Variants in ASAP1 observed in about 807,000 individuals in gnomAD.
The protein encoded by ASAP1 is ArfGAP with SH3 domain, ankyrin repeat and PH domain 1, also known as arf-GAP with SH3 domain, ANK repeat and PH domain-containing protein 1.
In ASAP1, 43 loss-of-function variants were observed where a neutral mutation model predicts 145.2. That is an observed-to-expected ratio of 0.30 (90% CI 0.23 to 0.38). ASAP1 has a LOEUF of 0.38. ASAP1 is among the 10% of genes least tolerant of loss of function. The pLI is 1.00. For synonymous variants in ASAP1, 546 were observed against 515.5 expected (o/e 1.06, Z -0.80); for missense variants, 1,018 against 1,355.3 (o/e 0.75, Z 3.91).
At chr8:130,173,518 C>T (rs1055111080) in intron 9 of ASAP1, among the ~76,000 whole-genome samples, 3 of 152,174 alleles carry the variant, frequency 2.0e-5, no homozygotes, top group Non-Finnish European at 4.4e-5. Flanking sequence ...GTAATACCAG[C>T]ACTTTGGGGG....
intron 3 of ASAP1, among the ~76,000 whole-genome samples, chr8:130,265,930 A>G (rs1820216221): frequency 6.6e-6 from 1 of 152,228 alleles, no homozygotes; most frequent in Middle Eastern, 3.2e-3. Context: ...AGCACACAGA[A>G]GTTCTGGATA....
chr8:130,359,595 T>C (rs868656092), intron 2 of ASAP1, among the ~76,000 whole-genome samples: 4 of 149,814 alleles, frequency 2.7e-5, no homozygotes, highest in Non-Finnish European at 4.5e-5. Flanking sequence ...ACCCCCGGGA[T>C]TGGGCTTCTG....
chr8:130,250,575 T>C (rs1272716119), intron 3 of ASAP1, among the ~76,000 whole-genome samples: 1 of 152,180 alleles, frequency 6.6e-6, no homozygotes, highest in African/African-American at 2.4e-5. Flanking sequence ...TGTTTATTCA[T>C]CAAAACAAAC....
At chr8:130,144,877 G>A (rs2097623775) in intron 13 of ASAP1, among the ~76,000 whole-genome samples, 1 of 152,140 alleles carries the variant, frequency 6.6e-6, no homozygotes, top group South Asian at 2.1e-4. Context: ...CAGAATGTAT[G>A]TATATGTGAG....
At chr8:130,100,839 T>C (rs1200873919) in intron 24 of ASAP1, among the ~76,000 whole-genome samples, 3 of 152,234 alleles carry the variant, frequency 2.0e-5, no homozygotes. Flanking sequence ...CTTTTTAGTT[T>C]GATATCGTCT....
rs1197294508 is a variant in ASAP1, at chr8:130,358,422, A to G, written c.60-279T>C. Among the ~76,000 whole-genome samples the G allele has an allele frequency of 4.7e-5, 7 of 147,972 alleles. No individual in the cohort carries two copies. The highest frequency in any genetic ancestry group is 4.7e-4 in the Admixed American group (7 of 14,964). On this transcript the variant is annotated intron_variant, in intron 2 of 29. Coordinates refer to ENST00000518721, the MANE Select transcript of ASAP1 (RefSeq NM_018482.4). The surrounding 1 kb of genome is among the most constrained non-coding windows in gnomAD (Gnocchi z 4.1). ...CTCCGGGACCCGCCTCCCTCTGCTC[A>G]TGCCGGCGGCGGCAGCTCCTCAGCG...
intron 3 of ASAP1, among the ~76,000 whole-genome samples, chr8:130,297,066 G>T (rs962772710): frequency 6.6e-6 from 1 of 152,172 alleles, no homozygotes; most frequent in South Asian, 2.1e-4. Flanking sequence ...ACAGCTGTGT[G>T]GGGGGTTAAA....
At chr8:130,164,539 G>A (rs780429371) in intron 11 of ASAP1, among the ~76,000 whole-genome samples, 3 of 152,122 alleles carry the variant, frequency 2.0e-5, no homozygotes, top group Admixed American at 6.5e-5. Flanking sequence ...TGCAGTGAGC[G>A]AGATTTGTAC....
At chr8:130,365,927 G>A (rs1826928666) in intron 2 of ASAP1, among the ~76,000 whole-genome samples, 2 of 152,226 alleles carry the variant, frequency 1.3e-5, no homozygotes, top group African/African-American at 4.8e-5. Context: ...GGTTTTTAGA[G>A]TCGCTGTCAT....
intron 27 of ASAP1, among the ~76,000 whole-genome samples, chr8:130,073,852 G>A (rs2097455759): frequency 6.6e-6 from 1 of 152,190 alleles, no homozygotes; most frequent in East Asian, 1.9e-4. Flanking sequence ...AAGTGGTTTT[G>A]CCAAAGCCTC....
intron 3 of ASAP1, among the ~76,000 whole-genome samples, chr8:130,311,000 T>C (rs1386851483): frequency 1.3e-5 from 2 of 152,216 alleles, no homozygotes; most frequent in Non-Finnish European, 2.9e-5. Flanking sequence ...TTTAGCTCTA[T>C]TGTGAAGGAG....
At chr8:130,389,081 G>A (rs1828154490) in intron 2 of ASAP1, among the ~76,000 whole-genome samples, 1 of 152,208 alleles carries the variant, frequency 6.6e-6, no homozygotes, top group African/African-American at 2.4e-5. Flanking sequence ...AAAGGGCCTG[G>A]CTCACGTTAA....
Position 130,127,483 on chromosome 8 carries a change from C to T in ASAP1, c.1381+444G>A, listed in dbSNP as rs1340809205. Among the ~76,000 whole-genome samples the T allele has an allele frequency of 3.3e-5, 5 of 152,190 alleles. No homozygotes were observed. In the East Asian group the frequency reaches 9.6e-4, roughly 29 times the overall value. ...CCGCCCGCCTCAGCCTCCCAAAGTG[C>T]TGGGATTACAGGCGTGAGCCACCGT... is the stretch of plus-strand genomic sequence containing the variant. On this transcript the variant is annotated intron_variant, in intron 16 of 29. Transcript: ENST00000518721.
At chr8:130,335,380 T>C (rs1290037319) in intron 3 of ASAP1, among the ~76,000 whole-genome samples, 1 of 152,180 alleles carries the variant, frequency 6.6e-6, no homozygotes, top group Non-Finnish European at 1.5e-5. Flanking sequence ...TTGGAGAAAC[T>C]GACCCACAGA....
At chr8:130,433,507 T>C (rs909284972) in intron 1 of ASAP1, among the ~76,000 whole-genome samples, 4 of 152,226 alleles carry the variant, frequency 2.6e-5, no homozygotes, top group African/African-American at 7.2e-5. Context: ...TCCCATGCTG[T>C]TGAGTGACAC....
chr8:130,325,213 T>C (rs1454154345), intron 3 of ASAP1, among the ~76,000 whole-genome samples: 5 of 152,212 alleles, frequency 3.3e-5, no homozygotes, highest in Admixed American at 1.3e-4. Flanking sequence ...GGGTCAAATA[T>C]GGTAGTTTCT....
chr8:130,298,400 T>C (rs1822418393), intron 3 of ASAP1, among the ~76,000 whole-genome samples: 1 of 152,158 alleles, frequency 6.6e-6, no homozygotes. Context: ...GGTTAAATAT[T>C]TCCTGAATCC....
At chr8:130,140,225 T>C (rs1166283092) in intron 13 of ASAP1, among the ~76,000 whole-genome samples, 1 of 151,794 alleles carries the variant, frequency 6.6e-6, no homozygotes, top group South Asian at 2.1e-4. Flanking sequence ...GTATTTTTAG[T>C]GGAGACAGTC....
intron 1 of ASAP1, among the ~76,000 whole-genome samples, chr8:130,432,492 A>G (rs965048570): frequency 1.3e-5 from 2 of 152,204 alleles, no homozygotes; most frequent in African/African-American, 2.4e-5. Flanking sequence ...TCTAGATGCC[A>G]TGTGAGTTGT....
Sources: gnomAD v4.1 joint callset for allele counts (sites outside exome capture counted in the v4.1 genomes callset) on GRCh38, gnomAD v4.1.1 for gene constraint, Gnocchi (gnomAD v3.1) non-coding constraint, MANE v1.5 for transcripts, NCBI Gene and HGNC (gene_info 2026-07-23, HGNC 2026-07-21) for gene names.